Variants in HEATR5A observed in about 807,000 individuals in gnomAD.
The protein encoded by HEATR5A is HEAT repeat containing 5A, also known as HEAT repeat-containing protein 5A.
Under a neutral mutation model 218.8 loss-of-function variants are expected in HEATR5A, and 178 were observed. That is an observed-to-expected ratio of 0.81 (90% CI 0.72 to 0.92). The LOEUF (loss-of-function observed/expected upper bound fraction) is 0.92, where lower values mean the gene tolerates loss of function less well. Ranked by LOEUF, HEATR5A falls within the 40% of genes least tolerant of loss-of-function variation. The pLI is 0.00. For synonymous variants in HEATR5A, 864 were observed against 871.6 expected (o/e 0.99, Z 0.15); for missense variants, 2,420 against 2,418.9 (o/e 1.00, Z -0.01).
intron 25 of HEATR5A, chr14:31,320,236 C>A: frequency 3.0e-6 from 2 of 674,270 alleles, no homozygotes; most frequent in Non-Finnish European, 5.6e-6. Context: ...ACATGGCGAA[C>A]AGGATGAAGA....
At chr14:31,333,494 C>A (rs2139186846) in intron 22 of HEATR5A, among the ~76,000 whole-genome samples, 1 of 152,114 alleles carries the variant, frequency 6.6e-6, no homozygotes, top group East Asian at 2.0e-4. Context: ...TCAAGTGATC[C>A]ACCCACCTCG....
At chr14:31,382,829 A>G (rs2030049452) in intron 10 of HEATR5A, among the ~76,000 whole-genome samples, 1 of 150,584 alleles carries the variant, frequency 6.6e-6, no homozygotes, top group African/African-American at 2.4e-5. Context: ...TGTATAAATC[A>G]TGCCATCTTT....
chr14:31,393,964 C>T lies in HEATR5A; in HGVS notation c.772+88G>A, dbSNP rs111446320. The T allele has an allele frequency of 2.5e-3, 2,188 of 882,176 alleles. 30 individuals carry two copies. The African/African-American group carries it at 0.034, about 14-fold the overall frequency. 54.6% of individuals were successfully genotyped at this position (882,176 alleles called of 1,614,324 possible). A position where few individuals can be genotyped will look rare whatever the true frequency, so the allele number is the denominator to read the frequency against. On this transcript the variant is annotated intron_variant, in intron 6 of 35. Coordinates refer to ENST00000543095, the MANE Select transcript of HEATR5A (RefSeq NM_015473.4). ...TGCCTGGCCTGAAATTGATTTATAA[C>T]GGGTAGCAATAACACTATACATATT...
At chr14:31,293,648 T>C (rs368156232) in intron 35 of HEATR5A, 36 bp from the exon 36 acceptor site, 10 of 1,530,314 alleles carry the variant, frequency 6.5e-6, no homozygotes, top group Non-Finnish European at 8.8e-6. Flanking sequence ...TTCAGTGACA[T>C]AAATGTTTCT....
At chr14:31,310,111 A>G (rs1328993815) in intron 28 of HEATR5A, among the ~76,000 whole-genome samples, 1 of 152,164 alleles carries the variant, frequency 6.6e-6, no homozygotes, top group African/African-American at 2.4e-5. Flanking sequence ...ATGGTCTTAT[A>G]CTTTCACAAT....
At chr14:31,378,801 C>CG (rs2029876173) in intron 11 of HEATR5A, among the ~76,000 whole-genome samples, 1 of 105,202 alleles carries the variant, frequency 9.5e-6, no homozygotes, top group African/African-American at 3.4e-5. Context: ...AAAAAACAAA[C>CG]AAAAAAAAAA....
At chr14:31,367,404 T>C (rs1417597734) in intron 13 of HEATR5A, among the ~76,000 whole-genome samples, 1 of 151,758 alleles carries the variant, frequency 6.6e-6, no homozygotes, top group African/African-American at 2.4e-5. Context: ...ATCTTATTTA[T>C]TTATTTATTT....
At chr14:31,395,569 G>A (rs1235295770) in intron 4 of HEATR5A, among the ~76,000 whole-genome samples, 2 of 152,202 alleles carry the variant, frequency 1.3e-5, no homozygotes, top group African/African-American at 4.8e-5. Context: ...TCACAGGGTT[G>A]ATGTGAAGAT....
chr14:31,405,325 T>C (rs1186560793), intron 1 of HEATR5A, among the ~76,000 whole-genome samples: 2 of 151,984 alleles, frequency 1.3e-5, no homozygotes, highest in Admixed American at 6.6e-5. Context: ...TCCCAGCTGA[T>C]TGGGAGGTTG....
At chr14:31,384,245 C>G (rs2030112934) in intron 9 of HEATR5A, among the ~76,000 whole-genome samples, 1 of 152,056 alleles carries the variant, frequency 6.6e-6, no homozygotes, top group Admixed American at 6.5e-5. Flanking sequence ...GAGTTTGAGA[C>G]CAGTCTGGGC....
At chr14:31,366,660 G>T (rs1395244387) in intron 13 of HEATR5A, among the ~76,000 whole-genome samples, 1 of 152,070 alleles carries the variant, frequency 6.6e-6, no homozygotes, top group Non-Finnish European at 1.5e-5. Context: ...CTTTTATCAG[G>T]ATAAAAGATA....
At position 31,323,636 on chromosome 14, in the gene HEATR5A, T is replaced by C. The variant is rs1318758779; in HGVS notation, c.3716A>G (p.Gln1239Arg). 3.1e-6 allele frequency: 5 copies of C among 1,612,860 alleles called. No individual in the cohort carries two copies. Among genetic ancestry groups the C allele is most frequent in the Non-Finnish European group, 4.2e-6 (5 of 1,179,054 alleles). The change falls in exon 24 of 36, where the codon CAA becomes CGA. Residue 1239 changes from glutamine to arginine, a missense_variant. Physicochemically the swap from Gln to Arg is conservative, Grantham distance 43. Coordinates refer to ENST00000543095, the MANE Select transcript of HEATR5A (RefSeq NM_015473.4). Reference protein sequence around the residue: ...AAECVCRIINQCENANSAHFD... With the variant: ...AAECVCRIINRCENANSAHFD... The stretch of plus-strand genomic sequence containing the variant: ...ATGTGCACTGTTAGCATTCTCACAT[T>C]GGTTAATTATCCTACAGACACATTC...
At position 31,293,564 on chromosome 14, in the gene HEATR5A, A is replaced by G. The variant is rs1899083043; in HGVS notation, c.5882T>C (p.Leu1961Ser). Residue 1961 changes from leucine (L) to serine (S), a missense_variant, in exon 36 of 36, where the codon TTG (leucine) becomes TCG (serine). Transcript: ENST00000543095. Reference sequence around the variant, plus strand: ...TGCTGATCCCAGAGAATTTTCATCCAAAAGGAAGGAAATGAGGATGGGCAA... The same window carrying G: ...TGCTGATCCCAGAGAATTTTCATCCGAAAGGAAGGAAATGAGGATGGGCAA... ...CLLPILISFL[L>S]DENSLGSATS... 1.2e-6 allele frequency: 2 copies of G among 1,613,468 alleles called. No homozygotes were observed. Among genetic ancestry groups the G allele is most frequent in the Non-Finnish European group, 1.7e-6 (2 of 1,179,764 alleles).
At chr14:31,360,773 T>C (rs973656471) in intron 14 of HEATR5A, among the ~76,000 whole-genome samples, 1 of 152,172 alleles carries the variant, frequency 6.6e-6, no homozygotes, top group Non-Finnish European at 1.5e-5. Flanking sequence ...AAGGGTTTAC[T>C]TGCCATCACT....
intron 18 of HEATR5A, among the ~76,000 whole-genome samples, chr14:31,348,197 T>C (rs540333422): frequency 1.1e-4 from 17 of 152,174 alleles, no homozygotes; most frequent in Non-Finnish European, 2.4e-4. Flanking sequence ...ATAAGCATTA[T>C]TATTACTTTA....
chr14:31,416,314 G>T (rs1470376227), intron 1 of HEATR5A, among the ~76,000 whole-genome samples: 1 of 152,030 alleles, frequency 6.6e-6, no homozygotes, highest in Non-Finnish European at 1.5e-5. Flanking sequence ...TAGAGACGGG[G>T]TTTCACCCTG....
At chr14:31,312,204 T>C (rs1899777621) in intron 28 of HEATR5A, among the ~76,000 whole-genome samples, 1 of 152,182 alleles carries the variant, frequency 6.6e-6, no homozygotes, top group Non-Finnish European at 1.5e-5. Context: ...TCAGAAAGAT[T>C]CATTGTATCT....
At chr14:31,294,644 C>CA (rs1448859964) in intron 34 of HEATR5A, among the ~76,000 whole-genome samples, 1 of 152,028 alleles carries the variant, frequency 6.6e-6, no homozygotes, top group Non-Finnish European at 1.5e-5. Context: ...CTCCTGACCT[C>CA]AAGTGATCCA....
chr14:31,316,035 G>T, intron 26 of HEATR5A, 86 bp from the exon 27 acceptor site: 1 of 1,087,826 alleles, frequency 9.2e-7, no homozygotes, highest in Non-Finnish European at 1.3e-6. Flanking sequence ...TGTAATCCCA[G>T]CACTTTGGGA....
Sources: allele counts gnomAD v4.1 joint callset (sites outside exome capture counted in the v4.1 genomes callset), GRCh38; gene constraint gnomAD v4.1.1; transcripts MANE v1.5; gene names NCBI Gene and HGNC (gene_info 2026-07-23, HGNC 2026-07-21).